The following CLUL1 variants were observed in gnomAD, a reference collection of about 807,000 sequenced individuals.
CLUL1 encodes clusterin like 1.
CLUL1 carries 43 observed loss-of-function variants against 49.4 expected under a neutral mutation model. The observed-to-expected ratio is 0.87, with a 90% CI of 0.68 to 1.12. The LOEUF (loss-of-function observed/expected upper bound fraction) is 1.12. Ranked by LOEUF, CLUL1 falls within the 50% of genes most tolerant of loss-of-function variation. CLUL1 has a pLI of 0.00. For missense variants in CLUL1, 486 were observed against 544.4 expected, an observed-to-expected ratio of 0.89 and a Z score of 1.07; for synonymous variants, 192 against 184.9, an observed-to-expected ratio of 1.04 and a Z score of -0.31.
chr18:622,966 C>T (rs1046439766), intron 4 of CLUL1, among the ~76,000 whole-genome samples: 1 of 151,504 alleles, frequency 6.6e-6, no homozygotes, highest in Non-Finnish European at 1.5e-5. Context: ...GGACAATGAG[C>T]AGAATATGTA....
At chr18:637,896 C>T (rs1457602337) in intron 7 of CLUL1, among the ~76,000 whole-genome samples, 1 of 151,958 alleles carries the variant, frequency 6.6e-6, no homozygotes, top group Admixed American at 6.6e-5. Context: ...ATTGCTTGAA[C>T]CTGGGAGGCA....
intron 9 of CLUL1, among the ~76,000 whole-genome samples, chr18:648,631 T>C (rs963754524): frequency 1.1e-4 from 17 of 152,188 alleles, no homozygotes; most frequent in African/African-American, 3.6e-4. Context: ...AACAGCAATG[T>C]CTGCAGTACC....
At chr18:631,648 G>C in intron 6 of CLUL1, among the ~76,000 whole-genome samples, 1 of 152,168 alleles carries the variant, frequency 6.6e-6, no homozygotes, top group Non-Finnish European at 1.5e-5. Flanking sequence ...AGATGCTAGA[G>C]ATAAAATGAT....
rs1427492433 is a variant in CLUL1, at chr18:606,374, T to C, written c.-135-604T>C. 5.9e-5 allele frequency among the ~76,000 whole-genome samples: 9 copies of C among 152,294 alleles called. No individual in the cohort carries two copies. Among genetic ancestry groups the C allele is most frequent in the African/African-American group, 1.9e-4 (8 of 41,572 alleles). On this transcript the variant is annotated intron_variant, in intron 1 of 9. Coordinates refer to ENST00000692774, the MANE Select transcript of CLUL1 (RefSeq NM_001393344.1). This position sits in a 1 kb window ranked among gnomAD's most constrained non-coding sequence, Gnocchi z 4.1. ...GAAACGATTTTCCATGTCACCAACC[T>C]TTCTCTGAGGGAACCTACTGGCCAC...
At chr18:607,136 T>A (rs1406697647) in intron 2 of CLUL1, 37 bp downstream of exon 2, 17 of 700,976 alleles carry the variant, frequency 2.4e-5, no homozygotes, top group Non-Finnish European at 4.4e-5. Context: ...TTTATTTATT[T>A]ATTTATTTAG....
At chr18:619,121 A>T in intron 3 of CLUL1, 92 bp from the exon 4 acceptor site, 1 of 1,230,104 alleles carries the variant, frequency 8.1e-7, no homozygotes, top group Non-Finnish European at 1.1e-6. Context: ...GAGAACAATT[A>T]AGCCTCTCTT....
intron 9 of CLUL1, 59 bp from the exon 10 acceptor site, chr18:649,839 G>T: frequency 1.8e-6 from 2 of 1,099,310 alleles, no homozygotes; most frequent in South Asian, 1.4e-5. Flanking sequence ...AAAATACACT[G>T]AGTCTGTGAG....
intron 8 of CLUL1, 107 bp downstream of exon 8, chr18:641,648 G>A (rs2074348694): frequency 1.1e-6 from 1 of 926,550 alleles, no homozygotes; most frequent in Admixed American, 2.3e-5. Flanking sequence ...AGCTGTAGGA[G>A]GTATTCATAT....
chr18:645,611 CG>C (rs1205911585), intron 9 of CLUL1, among the ~76,000 whole-genome samples: 6 of 150,508 alleles, frequency 4.0e-5, no homozygotes, highest in African/African-American at 1.5e-4. Flanking sequence ...CTGGATAACA[CG>C]GAGAAACTGC....
chr18:609,416 CT>C lies in CLUL1; in HGVS notation c.-14+2324del, dbSNP rs2073069071. Among the ~76,000 whole-genome samples the C allele has an allele frequency of 2.0e-5, 3 of 152,044 alleles. No homozygotes were observed. The South Asian group carries it at 6.2e-4, about 31-fold the overall frequency. ...GCAGCAGAAAGGAGCTGGGAGGGTC[CT>C]TTTTTTCCCTTGGGGACACGGAATA... On this transcript the variant is annotated intron_variant, in intron 2 of 9. Coordinates refer to ENST00000692774, the MANE Select transcript of CLUL1 (RefSeq NM_001393344.1).
intron 9 of CLUL1, among the ~76,000 whole-genome samples, chr18:646,758 T>C (rs1425181858): frequency 1.3e-5 from 2 of 149,256 alleles, no homozygotes; most frequent in Non-Finnish European, 3.0e-5. Context: ...CTTTCTTTCT[T>C]TTTTTTTTTG....
At chr18:607,770 C>T (rs2073020746) in intron 2 of CLUL1, among the ~76,000 whole-genome samples, 1 of 152,002 alleles carries the variant, frequency 6.6e-6, no homozygotes, top group South Asian at 2.1e-4. Flanking sequence ...GCTATATTGC[C>T]CAGGCTGGTC....
chr18:605,784 C>T (rs919407662), intron 1 of CLUL1, among the ~76,000 whole-genome samples: 9 of 152,074 alleles, frequency 5.9e-5, no homozygotes, highest in Non-Finnish European at 1.0e-4. Context: ...TCAAGCCATC[C>T]TCCCAACTCA....
Position 649,971 on chromosome 18 carries a change from T to C in CLUL1, c.*70T>C, listed in dbSNP as rs2074632602. On this transcript the variant is annotated 3_prime_UTR_variant, in exon 10 of 10. Transcript: ENST00000692774. ...CATCTGGGACCTGGAAATCCTGAAA[T>C]AAAAAAGGATAATGCAATAAACACA... 5 of 1,033,248 alleles carry C rather than the reference T, an allele frequency of 4.8e-6. No individual in the cohort carries two copies. In the East Asian group the frequency reaches 9.7e-5, roughly 20 times the overall value. 64.0% of individuals were successfully genotyped at this position (1,033,248 alleles called of 1,614,324 possible).
At position 613,280 on chromosome 18, in the gene CLUL1, A is replaced by C. The variant is rs1400229480; in HGVS notation, c.-13-4708A>C. The stretch of plus-strand genomic sequence containing the variant: ...CAGCCTCTCGAGTGGCTGGGACTAT[A>C]GGTGCGTGCCACCACACCCAGCTAA... On this transcript the variant is annotated intron_variant, in intron 2 of 9. Transcript: ENST00000692774. 5 of 410,072 alleles carry C rather than the reference A, an allele frequency of 1.2e-5. No individual in the cohort carries two copies. In the Admixed American group the frequency reaches 1.3e-4, roughly 11 times the overall value. The allele number at this position is 410,072 out of a possible 1,614,324, so 25.4% of individuals were successfully genotyped here.
intron 7 of CLUL1, among the ~76,000 whole-genome samples, chr18:635,707 T>A (rs1210945298): frequency 6.6e-6 from 1 of 152,006 alleles, no homozygotes; most frequent in Non-Finnish European, 1.5e-5. Flanking sequence ...AATCTAACAG[T>A]GAGCAAGTTG....
chr18:619,502 G>C, intron 4 of CLUL1, 141 bp downstream of exon 4: 1 of 828,924 alleles, frequency 1.2e-6, no homozygotes, highest in Non-Finnish European at 1.8e-6. Context: ...AAAAGTTTAA[G>C]GGAAGCTTCA....
chr18:629,768 C>T (rs1231775584), intron 6 of CLUL1, among the ~76,000 whole-genome samples: 4 of 152,212 alleles, frequency 2.6e-5, no homozygotes, highest in Admixed American at 6.5e-5. Flanking sequence ...TATCCCTCCC[C>T]TAGCCAGACA....
At chr18:635,934 A>G (rs1169269939) in intron 7 of CLUL1, among the ~76,000 whole-genome samples, 1 of 151,970 alleles carries the variant, frequency 6.6e-6, no homozygotes, top group Non-Finnish European at 1.5e-5. Context: ...ATGGGGTTTC[A>G]CCATATTGGC....
Sources: allele counts gnomAD v4.1 joint callset (sites outside exome capture counted in the v4.1 genomes callset), GRCh38; gene constraint gnomAD v4.1.1; non-coding constraint Gnocchi (gnomAD v3.1); transcripts MANE v1.5; gene names NCBI Gene and HGNC (gene_info 2026-07-23, HGNC 2026-07-21).